Variants in MPZL1 observed in about 807,000 individuals in gnomAD.
MPZL1 encodes the protein myelin protein zero-like protein 1.
MPZL1 carries 16 observed loss-of-function variants against 29.3 expected under a neutral mutation model. The ratio of observed to expected loss-of-function variants is 0.55; its 90% CI spans 0.37 to 0.83. MPZL1 has a LOEUF of 0.83. MPZL1 is among the 40% of genes least tolerant of loss of function. The probability of loss-of-function intolerance (pLI) is 0.00; values close to 1 mark genes in which losing one functional copy is unlikely to be tolerated. For missense variants in MPZL1, 279 were observed against 332.9 expected (o/e 0.84, Z 1.26); for synonymous variants, 143 against 132.0 (o/e 1.08, Z -0.57).
At chr1:167,737,152 C>T (rs931335100) in intron 1 of MPZL1, among the ~76,000 whole-genome samples, 2 of 152,188 alleles carry the variant, frequency 1.3e-5, no homozygotes, top group African/African-American at 4.8e-5. Flanking sequence ...TCCCCAAATA[C>T]AGGAACTGTG....
intron 2 of MPZL1, among the ~76,000 whole-genome samples, chr1:167,768,368 C>T (rs1217094348): frequency 5.9e-5 from 9 of 151,518 alleles, no homozygotes; most frequent in African/African-American, 2.2e-4. Flanking sequence ...TTTTTACCCT[C>T]TGTCTCCTCC....
chr1:167,762,061 G>A (rs948086686), intron 1 of MPZL1, among the ~76,000 whole-genome samples: 2 of 152,188 alleles, frequency 1.3e-5, no homozygotes, highest in Non-Finnish European at 2.9e-5. Flanking sequence ...CGATTCTGGA[G>A]TGGGTGCAGG....
At chr1:167,780,441 A>G (rs1160025094) in intron 5 of MPZL1, among the ~76,000 whole-genome samples, 1 of 152,230 alleles carries the variant, frequency 6.6e-6, no homozygotes, top group Non-Finnish European at 1.5e-5. Context: ...ATATTTGTAC[A>G]TCCATGTTCA....
intron 1 of MPZL1, among the ~76,000 whole-genome samples, chr1:167,727,399 C>T (rs1660170139): frequency 6.6e-6 from 1 of 152,216 alleles, no homozygotes; most frequent in Non-Finnish European, 1.5e-5. Context: ...ACATACATCT[C>T]ATGTGTACCT....
chr1:167,729,004 G>A (rs557350498), intron 1 of MPZL1, among the ~76,000 whole-genome samples: 22 of 152,158 alleles, frequency 1.4e-4, no homozygotes, highest in African/African-American at 4.8e-4. Flanking sequence ...GGTGACTCAT[G>A]CCTGTAATCC....
intron 5 of MPZL1, among the ~76,000 whole-genome samples, chr1:167,781,363 T>A (rs1372445228): frequency 6.6e-6 from 1 of 152,042 alleles, no homozygotes; most frequent in East Asian, 1.9e-4. Flanking sequence ...ATAAAACAAT[T>A]CTCATTAAAT....
chr1:167,754,054 G>A (rs1660814817), intron 1 of MPZL1, among the ~76,000 whole-genome samples: 1 of 152,056 alleles, frequency 6.6e-6, no homozygotes. Flanking sequence ...CTGGAGTGCA[G>A]TGGCGTGATC....
rs1023792651 is a variant in MPZL1, at chr1:167,788,881, T to C, written c.*960T>C. The C allele has an allele frequency of 3.0e-4, 3 of 10,102 alleles. No homozygotes were observed. In the African/African-American group the frequency reaches 3.5e-3, roughly 12 times the overall value. 0.6% of individuals were successfully genotyped at this position (10,102 alleles called of 1,614,324 possible). A position where few individuals can be genotyped will look rare whatever the true frequency, so the allele number is the denominator to read the frequency against. On this transcript the variant is annotated 3_prime_UTR_variant, in exon 6 of 6. Coordinates refer to ENST00000359523, the MANE Select transcript of MPZL1 (RefSeq NM_003953.6). ...CTCTAGAGAATCACCTTCTTTCGCT[T>C]TTTTTTTTTTTTTTGAGGTAGAGTC...
intron 5 of MPZL1, among the ~76,000 whole-genome samples, chr1:167,779,036 C>A (rs1006919141): frequency 4.6e-5 from 7 of 151,684 alleles, no homozygotes; most frequent in African/African-American, 1.7e-4. Context: ...GCAAGAAAAT[C>A]ACTTGAACCT....
At chr1:167,748,799 G>A (rs900169983) in intron 1 of MPZL1, among the ~76,000 whole-genome samples, 7 of 152,036 alleles carry the variant, frequency 4.6e-5, no homozygotes, top group African/African-American at 7.2e-5. Flanking sequence ...TGTATATGAT[G>A]TGCTTTACAT....
intron 5 of MPZL1, among the ~76,000 whole-genome samples, chr1:167,783,531 T>C (rs1462301272): frequency 6.6e-6 from 1 of 152,222 alleles, no homozygotes; most frequent in Non-Finnish European, 1.5e-5. Context: ...TCAACTATAG[T>C]GCATAGCATA....
intron 1 of MPZL1, among the ~76,000 whole-genome samples, chr1:167,744,790 A>AT (rs1219873925): frequency 6.6e-6 from 1 of 151,886 alleles, no homozygotes. Context: ...ACTAGTAAAT[A>AT]TTTTTTTCCA....
At chr1:167,786,324 A>T (rs1661592692) in intron 5 of MPZL1, among the ~76,000 whole-genome samples, 2 of 152,352 alleles carry the variant, frequency 1.3e-5, no homozygotes, top group African/African-American at 4.8e-5. Flanking sequence ...GACGTTCATA[A>T]TAATAACTAA....
intron 1 of MPZL1, among the ~76,000 whole-genome samples, chr1:167,762,028 G>A (rs1336162600): frequency 6.6e-6 from 1 of 152,176 alleles, no homozygotes; most frequent in Non-Finnish European, 1.5e-5. Context: ...TGGTCAATTA[G>A]GGAGTAGAGA....
At chr1:167,746,260 G>A (rs1660644690) in intron 1 of MPZL1, among the ~76,000 whole-genome samples, 1 of 151,838 alleles carries the variant, frequency 6.6e-6, no homozygotes, top group African/African-American at 2.4e-5. Context: ...TGCTGTGTTG[G>A]GGAAAGGGCT....
At chr1:167,762,917 T>G (rs1327328784) in intron 1 of MPZL1, among the ~76,000 whole-genome samples, 1 of 152,174 alleles carries the variant, frequency 6.6e-6, no homozygotes, top group African/African-American at 2.4e-5. Flanking sequence ...ATCATTTTCT[T>G]TTTCTTGAGC....
Position 167,778,798 on chromosome 1 carries a change from A to T in MPZL1, c.708+2632A>T, listed in dbSNP as rs548116647. ...AAATGGAACTTCTGGAAATAAAAAA[A>T]AATTGGATGGTGTTAACAACAGATT... On this transcript the variant is annotated intron_variant, in intron 5 of 5. Coordinates refer to ENST00000359523, the MANE Select transcript of MPZL1 (RefSeq NM_003953.6). Among the ~76,000 whole-genome samples, 223 of 152,250 alleles carry T rather than the reference A, an allele frequency of 1.5e-3. 3 individuals carry two copies. Among genetic ancestry groups the T allele is most frequent in the African/African-American group, 5.3e-3 (222 of 41,554 alleles).
At chr1:167,746,952 A>G (rs1660659264) in intron 1 of MPZL1, among the ~76,000 whole-genome samples, 1 of 152,194 alleles carries the variant, frequency 6.6e-6, no homozygotes, top group Non-Finnish European at 1.5e-5. Context: ...CATAGCAGAA[A>G]TTTGTTCAGT....
intron 5 of MPZL1, among the ~76,000 whole-genome samples, chr1:167,781,159 G>A (rs889746645): frequency 3.9e-5 from 6 of 152,128 alleles, no homozygotes; most frequent in Non-Finnish European, 7.4e-5. Context: ...AATCATAGTT[G>A]GAGGTTTCAA....
Sources: gnomAD v4.1 joint callset for allele counts (sites outside exome capture counted in the v4.1 genomes callset) on GRCh38, gnomAD v4.1.1 for gene constraint, MANE v1.5 for transcripts, NCBI Gene and HGNC (gene_info 2026-07-23, HGNC 2026-07-21) for gene names.